Variants in STK11IP observed in about 807,000 individuals in gnomAD.
STK11IP encodes serine/threonine kinase 11 interacting protein, also known as serine/threonine-protein kinase 11-interacting protein.
STK11IP carries 103 observed loss-of-function variants against 131.7 expected under a neutral mutation model. That is an observed-to-expected ratio of 0.78 (90% CI 0.67 to 0.92). STK11IP has a LOEUF of 0.92. Ranked by LOEUF, STK11IP falls within the 40% of genes least tolerant of loss-of-function variation. STK11IP has a pLI of 0.00. For missense variants in STK11IP, 1,315 were observed against 1,385.7 expected, an observed-to-expected ratio of 0.95 and a Z score of 0.81; for synonymous variants, 557 against 575.6, an observed-to-expected ratio of 0.97 and a Z score of 0.46.
At position 219,605,944 on chromosome 2, in the gene STK11IP, C is replaced by G; in HGVS notation, c.746-12C>G. 3 of 1,587,896 alleles carry G rather than the reference C, an allele frequency of 1.9e-6. No individual in the cohort carries two copies. Among genetic ancestry groups the G allele is most frequent in the Non-Finnish European group, 2.6e-6 (3 of 1,166,088 alleles). ...TCCACATGCTCTTCCTTCCTTCTTG[C>G]GTCCACCCCAGGCCTAGAGCAGCTG... On this transcript the variant is annotated splice_polypyrimidine_tract_variant and intron_variant, in intron 8 of 24. Transcript: ENST00000456909.
At position 219,605,681 on chromosome 2, in the gene STK11IP, G is replaced by T; in HGVS notation, c.692G>T (p.Gly231Val). 6.4e-7 allele frequency: 1 copy of T among 1,571,892 alleles called. No individual in the cohort carries two copies. Among genetic ancestry groups the T allele is most frequent in the African/African-American group, 1.3e-5 (1 of 74,180 alleles). ...LHLVPRMGPS[G>V]AALGVLILRG... ...TTGGTGCCAAGAATGGGACCCTCAG[G>T]GGCTGCTCTGGGGGTCCTGATACTG... Residue 231 changes from glycine to valine, a missense_variant, in exon 8 of 25, where the codon GGG becomes GTG. Gly to Val is a moderately radical substitution (Grantham distance 109, BLOSUM62 -3). Coordinates refer to ENST00000456909, the MANE Select transcript of STK11IP (RefSeq NM_052902.4).
In STK11IP at chr2:219,616,233, G is replaced by A. The variant is rs763675618; in HGVS notation, c.*40G>A. 11 of 1,587,578 alleles carry A rather than the reference G, an allele frequency of 6.9e-6. No individual in the cohort carries two copies. Among genetic ancestry groups the A allele is most frequent in the Admixed American group, 5.2e-5 (3 of 57,564 alleles). On this transcript the variant is annotated 3_prime_UTR_variant, in exon 25 of 25. Transcript: ENST00000456909. Reference sequence around the variant, plus strand: ...CCTTGGCCCTGACCTCAGGAGCCACGCTGTAGACATTCCCTCTCCTGGTCT... The same window carrying A: ...CCTTGGCCCTGACCTCAGGAGCCACACTGTAGACATTCCCTCTCCTGGTCT...
At position 219,598,086 on chromosome 2, in the gene STK11IP, C is replaced by T. The variant is rs888481532; in HGVS notation, c.-26-8C>T. On this transcript the variant is annotated splice_region_variant and splice_polypyrimidine_tract_variant and intron_variant, in intron 1 of 24. Coordinates refer to ENST00000456909, the MANE Select transcript of STK11IP (RefSeq NM_052902.4). Reference sequence around the variant, plus strand: ...TGAGGCTCTTCCGCTTCCTCTTTCCCCCCCCAGGCTCCGCCCCCCAGCGTC... The same window carrying T: ...TGAGGCTCTTCCGCTTCCTCTTTCCTCCCCCAGGCTCCGCCCCCCAGCGTC... 3.2e-6 allele frequency: 5 copies of T among 1,581,810 alleles called. No homozygotes were observed. The highest frequency in any genetic ancestry group is 3.4e-6 in the Non-Finnish European group (4 of 1,164,872).
In STK11IP at chr2:219,602,502, C is replaced by G. The variant is rs1463030075; in HGVS notation, c.473C>G (p.Ser158Cys). The stretch of plus-strand genomic sequence containing the variant: ...TCAGCCTGCGGCGGCGACTTCTGCT[C>G]TGCCCTCCCTTGGCTGGCTCTGCTT... Reference protein sequence around the residue: ...LLSACGGDFCSALPWLALLSA... With the variant: ...LLSACGGDFCCALPWLALLSA... Residue 158 changes from serine to cysteine, a missense_variant, in exon 6 of 25, where the codon TCT (serine) becomes TGT (cysteine). Ser to Cys is a moderately radical substitution (Grantham distance 112). Coordinates refer to ENST00000456909, the MANE Select transcript of STK11IP (RefSeq NM_052902.4). 11 of 1,613,906 alleles carry G rather than the reference C, an allele frequency of 6.8e-6. No homozygotes were observed. In the Admixed American group the frequency reaches 1.7e-4, roughly 24 times the overall value.
chr2:219,616,324 C>T lies in STK11IP; in HGVS notation c.*131C>T, dbSNP rs924198021. On this transcript the variant is annotated 3_prime_UTR_variant, in exon 25 of 25. Transcript: ENST00000456909. ...CCTCTGGGTGCTGGCCAGTGAGGTC[C>T]CAAATGACCCAGGGCTTAAGGGAGA... The T allele has an allele frequency of 2.4e-5, 30 of 1,226,148 alleles. No homozygotes were observed. The highest frequency in any genetic ancestry group is 3.3e-5 in the Non-Finnish European group (30 of 899,578). The allele number at this position is 1,226,148 out of a possible 1,614,324, so 76.0% of individuals were successfully genotyped here.
chr2:219,602,027 G>A lies in STK11IP; in HGVS notation c.382G>A (p.Gly128Ser), dbSNP rs1218650899. The A allele has an allele frequency of 1.2e-6, 2 of 1,611,844 alleles. No homozygotes were observed. Among genetic ancestry groups the A allele is most frequent in the Non-Finnish European group, 1.7e-6 (2 of 1,179,228 alleles). The change falls in exon 5 of 25, where the codon GGC becomes AGC. Residue 128 changes from glycine (G) to serine (S), a missense_variant. Transcript: ENST00000456909. ...CCTCCACTGTCTGCATGGCCTCCGA[G>A]GCATCTACTCCCAGCTGGAGACCCT... ...VPLHCLHGLR[G>S]IYSQLETLIC...
chr2:219,613,728 T>TTGCTCTGTCCCCTCTCTCCAC (rs1271630599), intron 20 of STK11IP, 24 bp from the exon 21 acceptor site: 1 of 1,611,876 alleles, frequency 6.2e-7, no homozygotes, highest in Non-Finnish European at 8.5e-7. Flanking sequence ...TGCTTCTCCA[T>TTGCTCTGTCCCCTCTCTCCAC]TGCTCTGTCC....
Position 219,613,245 on chromosome 2 carries a change from C to T in STK11IP, c.2537+20C>T. On this transcript the variant is annotated intron_variant, in intron 20 of 24. Coordinates refer to ENST00000456909, the MANE Select transcript of STK11IP (RefSeq NM_052902.4). ...GATGCGGTGAGTGAGAGGGGAGATG[C>T]AGTGAGTAAGGGGGGAGATGGGGTG... 4 of 1,227,398 alleles carry T rather than the reference C, an allele frequency of 3.3e-6. No individual in the cohort carries two copies. The highest frequency in any genetic ancestry group is 1.7e-5 in the African/African-American group (1 of 60,400). The allele number at this position is 1,227,398 out of a possible 1,614,324, so 76.0% of individuals were successfully genotyped here.
Position 219,606,008 on chromosome 2 carries a change from G to A in STK11IP, c.798G>A (p.Leu266=). ...ACCTGGATTTGGCATACAACCTGCT[G>A]GAAGGACACCGGGAGCTGTCACCAC... ...LRHLDLAYNL[L]EGHRELSPLW... is the part of the protein sequence containing the mutation. The change falls in exon 9 of 25, where the codon CTG becomes CTA. Residue 266 remains leucine (L), a synonymous_variant. Transcript: ENST00000456909. 3.1e-6 allele frequency: 5 copies of A among 1,609,850 alleles called. No homozygotes were observed. The highest frequency in any genetic ancestry group is 2.2e-5 in the East Asian group (1 of 44,778).
chr2:219,605,956 G>A lies in STK11IP; in HGVS notation c.746G>A (p.Gly249Asp), dbSNP rs754681319. The A allele has an allele frequency of 1.3e-6, 2 of 1,599,846 alleles. No individual in the cohort carries two copies. Among genetic ancestry groups the A allele is most frequent in the Admixed American group, 1.7e-5 (1 of 57,870 alleles). ...LRGNELRSLH[G>D]LEQLRNLRHL... ...TCCTTCCTTCTTGCGTCCACCCCAGGCCTAGAGCAGCTGAGGAATCTGCGG... is the reference window on the plus strand; with the variant it reads ...TCCTTCCTTCTTGCGTCCACCCCAGACCTAGAGCAGCTGAGGAATCTGCGG... The change falls in exon 9 of 25, where the codon GGC becomes GAC. Residue 249 changes from glycine to aspartate, a missense_variant and splice_region_variant. Coordinates refer to ENST00000456909, the MANE Select transcript of STK11IP (RefSeq NM_052902.4).
rs1389253410 is a variant in STK11IP, at chr2:219,608,031, T to A, written c.1220-16T>A. On this transcript the variant is annotated splice_polypyrimidine_tract_variant and intron_variant, in intron 13 of 24. Coordinates refer to ENST00000456909, the MANE Select transcript of STK11IP (RefSeq NM_052902.4). Reference sequence around the variant, plus strand: ...TGGGGCAGGCTTGCTCAGTTCTGGGTTCCCCTCCTGCCTAGGATGGTTCGT... The same window carrying A: ...TGGGGCAGGCTTGCTCAGTTCTGGGATCCCCTCCTGCCTAGGATGGTTCGT... The A allele has an allele frequency of 6.2e-7, 1 of 1,604,850 alleles. No homozygotes were observed. The highest frequency in any genetic ancestry group is 8.5e-7 in the Non-Finnish European group (1 of 1,175,288).
chr2:219,607,187 C>G lies in STK11IP; in HGVS notation c.1219+50C>G, dbSNP rs746959610. 15 of 1,570,844 alleles carry G rather than the reference C, an allele frequency of 9.5e-6. No individual in the cohort carries two copies. In the African/African-American group the frequency reaches 1.8e-4, roughly 18 times the overall value. ...CTCTCTCGTCCCCAGCGAGCTCACT[C>G]TAATTTTTAAGTTACAGTGAAGATC... On this transcript the variant is annotated intron_variant, in intron 13 of 24. Coordinates refer to ENST00000456909, the MANE Select transcript of STK11IP (RefSeq NM_052902.4).
At position 219,597,864 on chromosome 2, in the gene STK11IP, T is replaced by G. The variant is rs902525741; in HGVS notation, c.-86T>G. The stretch of plus-strand genomic sequence containing the variant: ...ATTTTCTTCCGGGGCGGGACTTCCT[T>G]TCCATCATTGATAGGCGCCGGGCAG... On this transcript the variant is annotated 5_prime_UTR_variant, in exon 1 of 25. Transcript: ENST00000456909. 12 of 1,595,562 alleles carry G rather than the reference T, an allele frequency of 7.5e-6. No homozygotes were observed. The highest frequency in any genetic ancestry group is 1.0e-5 in the Non-Finnish European group (12 of 1,171,662).
intron 5 of STK11IP, 115 bp from the exon 6 acceptor site, chr2:219,602,353 C>A: frequency 1.2e-6 from 1 of 813,334 alleles, no homozygotes; most frequent in Non-Finnish European, 2.0e-6. Context: ...AAGCCTGTAT[C>A]TTCAGATGGA....
At chr2:219,601,770 TG>T in intron 4 of STK11IP, 55 bp downstream of exon 4, 1 of 1,553,322 alleles carries the variant, frequency 6.4e-7, no homozygotes, top group South Asian at 1.2e-5. Context: ...GGCAGCCCCT[TG>T]GGGATGGGAA....
intron 14 of STK11IP, 35 bp from the exon 15 acceptor site, chr2:219,608,548 C>G (rs1410232832): frequency 3.2e-6 from 5 of 1,551,642 alleles, no homozygotes; most frequent in Non-Finnish European, 4.4e-6. Context: ...GGTACTTTCC[C>G]TCCCTGCAGG....
At chr2:219,607,591 C>G (rs115667323) in intron 13 of STK11IP, among the ~76,000 whole-genome samples, 2,155 of 151,946 alleles carry the variant, frequency 0.014, 48 homozygotes, top group African/African-American at 0.05. Flanking sequence ...CCTGATAGTT[C>G]AAGGTTGCAG....
chr2:219,606,041 G>T lies in STK11IP; in HGVS notation c.831G>T (p.Leu277=). 6.2e-7 allele frequency: 1 copy of T among 1,604,688 alleles called. No individual in the cohort carries two copies. Among genetic ancestry groups the T allele is most frequent in the Non-Finnish European group, 8.5e-7 (1 of 1,175,782 alleles). Residue 277 remains leucine (L), a synonymous_variant, in exon 9 of 25, where the codon CTG becomes CTT. Coordinates refer to ENST00000456909, the MANE Select transcript of STK11IP (RefSeq NM_052902.4). ...ACCGGGAGCTGTCACCACTGTGGCT[G>T]CTGGCTGAGCTCCGCAAGGTGAGAT... is the stretch of plus-strand genomic sequence containing the variant. ...EGHRELSPLW[L]LAELRKLYLE... is the part of the protein sequence containing the mutation.
chr2:219,608,361 A>G lies in STK11IP; in HGVS notation c.1534A>G (p.Met512Val). 2 of 1,583,268 alleles carry G rather than the reference A, an allele frequency of 1.3e-6. No homozygotes were observed. Among genetic ancestry groups the G allele is most frequent in the Non-Finnish European group, 8.6e-7 (1 of 1,164,886 alleles). The stretch of plus-strand genomic sequence containing the variant: ...GAAGGAGGAGAAGGAGGAGGGGGAG[A>G]TGGTGGAACAGGGAGAAGAGGAGGC... The part of the protein sequence containing the change: ...EGKEEKEEGE[M>V]VEQGEEEAGE... The change falls in exon 14 of 25, where the codon ATG becomes GTG. Residue 512 changes from methionine (M) to valine (V), a missense_variant. Met to Val is a conservative substitution (Grantham distance 21). Transcript: ENST00000456909.
Sources: allele counts gnomAD v4.1 joint callset (sites outside exome capture counted in the v4.1 genomes callset), GRCh38; gene constraint gnomAD v4.1.1; transcripts MANE v1.5; gene names NCBI Gene and HGNC (gene_info 2026-07-23, HGNC 2026-07-21).